Variants in TCF12 observed in about 807,000 individuals in gnomAD.
TCF12 encodes DNA-binding protein HTF4.
Under a neutral mutation model 86.0 loss-of-function variants are expected in TCF12, and 45 were observed. The ratio of observed to expected loss-of-function variants is 0.52; its 90% CI spans 0.41 to 0.67. The LOEUF (loss-of-function observed/expected upper bound fraction) is 0.67. TCF12 is among the 30% of genes least tolerant of loss of function. The probability of loss-of-function intolerance (pLI) is 0.00; values close to 1 mark genes in which losing one functional copy is unlikely to be tolerated. For synonymous variants in TCF12, 330 were observed against 299.6 expected, an observed-to-expected ratio of 1.10 and a Z score of -1.05; for missense variants, 881 against 859.9, an observed-to-expected ratio of 1.02 and a Z score of -0.31.
intron 20 of TCF12, among the ~76,000 whole-genome samples, chr15:57,284,566 A>G (rs570620701): frequency 4.0e-4 from 61 of 152,384 alleles, no homozygotes; most frequent in African/African-American, 1.4e-3. Flanking sequence ...TCAGTGCAAA[A>G]GAGACTTTCT....
intron 5 of TCF12, among the ~76,000 whole-genome samples, chr15:57,095,076 GA>G (rs1279900333): frequency 2.0e-5 from 3 of 152,192 alleles, no homozygotes; most frequent in African/African-American, 7.2e-5. Context: ...ATGAATTGCA[GA>G]AATCTCCTGT....
chr15:57,171,508 C>A (rs2055499314), intron 6 of TCF12, among the ~76,000 whole-genome samples: 1 of 152,114 alleles, frequency 6.6e-6, no homozygotes, highest in African/African-American at 2.4e-5. Context: ...ACATTAAAAC[C>A]ATTTTTCTTC....
At chr15:57,074,041 C>T (rs1171233841) in intron 4 of TCF12, among the ~76,000 whole-genome samples, 6 of 152,140 alleles carry the variant, frequency 3.9e-5, no homozygotes, top group Admixed American at 6.5e-5. Flanking sequence ...TGAGCCACCA[C>T]GCCCGGCCTT....
intron 7 of TCF12, 31 bp from the exon 8 acceptor site, chr15:57,197,742 G>A: frequency 6.2e-7 from 1 of 1,610,644 alleles, no homozygotes; most frequent in Non-Finnish European, 8.5e-7. Flanking sequence ...GGTATATTAT[G>A]CTGAAGAAAT....
chr15:56,969,702 C>G (rs544375522), intron 3 of TCF12, among the ~76,000 whole-genome samples: 1 of 152,042 alleles, frequency 6.6e-6, no homozygotes, highest in East Asian at 1.9e-4. Flanking sequence ...TGCACCTCGC[C>G]CATTTGGAGA....
intron 5 of TCF12, among the ~76,000 whole-genome samples, chr15:57,142,231 G>C (rs2151412398): frequency 6.6e-6 from 1 of 152,102 alleles, no homozygotes; most frequent in Middle Eastern, 3.4e-3. Flanking sequence ...TACAAATATA[G>C]GAAGGAACAA....
chr15:57,262,718 C>T (rs1233809296), intron 17 of TCF12, among the ~76,000 whole-genome samples: 1 of 152,166 alleles, frequency 6.6e-6, no homozygotes, highest in Non-Finnish European at 1.5e-5. Flanking sequence ...AAATAAAGTT[C>T]TCCCAGTTAC....
chr15:57,181,522 C>T (rs534072266), intron 6 of TCF12, among the ~76,000 whole-genome samples: 1 of 150,284 alleles, frequency 6.7e-6, no homozygotes, highest in Non-Finnish European at 1.5e-5. Flanking sequence ...TTTAGAGTAC[C>T]TTCTAATATA....
intron 3 of TCF12, among the ~76,000 whole-genome samples, chr15:57,019,017 A>C (rs2065314390): frequency 6.6e-6 from 1 of 152,176 alleles, no homozygotes; most frequent in South Asian, 2.1e-4. Flanking sequence ...TAAATCTGGT[A>C]AGAAAGTCAA....
intron 12 of TCF12, among the ~76,000 whole-genome samples, chr15:57,234,900 T>G (rs1218828765): frequency 2.0e-5 from 3 of 152,220 alleles, no homozygotes; most frequent in African/African-American, 7.2e-5. Flanking sequence ...TCCCACAGAA[T>G]TGTCTTTTAT....
chr15:57,082,551 A>G (rs2048379098), intron 4 of TCF12, among the ~76,000 whole-genome samples: 1 of 152,328 alleles, frequency 6.6e-6, no homozygotes, highest in South Asian at 2.1e-4. Context: ...AGCTACACTA[A>G]CGGTTAAGTG....
At chr15:57,164,927 C>T (rs574147760) in intron 5 of TCF12, among the ~76,000 whole-genome samples, 8 of 152,150 alleles carry the variant, frequency 5.3e-5, no homozygotes, top group Non-Finnish European at 1.0e-4. Flanking sequence ...GTTATCCGCC[C>T]GCCTCGGCCT....
In TCF12 at chr15:57,232,824, C is replaced by T; in HGVS notation, c.938C>T (p.Thr313Ile). 1 of 1,609,068 alleles carries T rather than the reference C, an allele frequency of 6.2e-7. No individual in the cohort carries two copies. The change falls in exon 11 of 21, where the codon ACT becomes ATT. Residue 313 changes from threonine to isoleucine, a missense_variant. Physicochemically the swap from Thr to Ile is moderately conservative, Grantham distance 89 (BLOSUM62 -1). Transcript: ENST00000333725. ...TCACCTTACGTTGCTGCCTCACACA[C>T]TCCTCCCATCAATGGATCAGACAGC... Reference protein sequence around the residue: ...SSSPYVAASHTPPINGSDSIL... With the variant: ...SSSPYVAASHIPPINGSDSIL...
chr15:57,232,159 A>G (rs964651289), intron 9 of TCF12, 132 bp from the exon 10 acceptor site: 29 of 885,258 alleles, frequency 3.3e-5, no homozygotes, highest in Admixed American at 7.1e-5. Flanking sequence ...AGGGAAGAAC[A>G]GTGGGTAGAA....
chr15:57,175,493 A>G (rs1183654722), intron 6 of TCF12, among the ~76,000 whole-genome samples: 3 of 152,206 alleles, frequency 2.0e-5, no homozygotes, highest in Admixed American at 6.5e-5. Context: ...TGGTAATGTC[A>G]AGAACAAGAT....
intron 5 of TCF12, among the ~76,000 whole-genome samples, chr15:57,133,965 T>A (rs2151366049): frequency 6.6e-6 from 1 of 152,380 alleles, no homozygotes. Flanking sequence ...TGCAATTTTT[T>A]AAAAGATAGT....
upstream of TCF12, chr15:56,918,209 G>A (rs1253123858): frequency 2.2e-6 from 1 of 456,268 alleles, no homozygotes; most frequent in Admixed American, 2.3e-5. Context: ...TGACCTACTC[G>A]GGAATGGCAG....
chr15:57,116,733 A>G (rs1296384425), intron 5 of TCF12, among the ~76,000 whole-genome samples: 1 of 152,152 alleles, frequency 6.6e-6, no homozygotes, highest in East Asian at 1.9e-4. Context: ...AGATCTTACC[A>G]TCTGGGAGGT....
At position 56,985,170 on chromosome 15, in the gene TCF12, A is replaced by G. The variant is rs186734811; in HGVS notation, c.148+64072A>G. Among the ~76,000 whole-genome samples, 794 of 152,298 alleles carry G rather than the reference A, an allele frequency of 5.2e-3. 3 individuals carry two copies. Among genetic ancestry groups the G allele is most frequent in the Non-Finnish European group, 8.2e-3 (555 of 68,014 alleles). ...TTTATTTCCTTCCAGTGCTTCTACA[A>G]TGCTTTTTCTCCAATCCCGTGTTCT... On this transcript the variant is annotated intron_variant, in intron 3 of 20. Coordinates refer to ENST00000333725, the MANE Select transcript of TCF12 (RefSeq NM_207037.2).
Sources: gnomAD v4.1 joint callset for allele counts (sites outside exome capture counted in the v4.1 genomes callset) on GRCh38, gnomAD v4.1.1 for gene constraint, MANE v1.5 for transcripts, NCBI Gene and HGNC (gene_info 2026-07-23, HGNC 2026-07-21) for gene names.